Variants in PLCB1 observed in about 807,000 individuals in gnomAD.
PLCB1 encodes the protein 1-phosphatidylinositol 4,5-bisphosphate phosphodiesterase beta-1.
A neutral mutation model predicts 161.8 loss-of-function variants in PLCB1; 46 were observed. The ratio of observed to expected loss-of-function variants is 0.28; its 90% CI spans 0.22 to 0.36. The LOEUF (loss-of-function observed/expected upper bound fraction) is 0.36. Ranked by LOEUF, PLCB1 falls within the 10% of genes least tolerant of loss-of-function variation. PLCB1 has a pLI of 1.00. For missense variants in PLCB1, 1,016 were observed against 1,472.5 expected (o/e 0.69, Z 5.07); for synonymous variants, 517 against 503.7 (o/e 1.03, Z -0.35).
Position 8,783,304 on chromosome 20 carries a change from A to G in PLCB1, c.3112-5145A>G, listed in dbSNP as rs1465543283. 2.0e-5 allele frequency among the ~76,000 whole-genome samples: 3 copies of G among 152,232 alleles called. No homozygotes were observed. In the East Asian group the frequency reaches 5.8e-4, roughly 29 times the overall value. On this transcript the variant is annotated intron_variant, in intron 27 of 31. Coordinates refer to ENST00000338037, the MANE Select transcript of PLCB1 (RefSeq NM_015192.4). ...CTTCTCTACCTTTAATAGTCAGTTT[A>G]CTTTCAGAGTTTTGTGACTAATAAA...
At chr20:8,863,112 C>G (rs1335878881) in intron 31 of PLCB1, among the ~76,000 whole-genome samples, 1 of 152,156 alleles carries the variant, frequency 6.6e-6, no homozygotes, top group Non-Finnish European at 1.5e-5. Context: ...TTGCACCCTG[C>G]AAGAGAAAGC....
chr20:8,434,388 T>C (rs1017642278), intron 3 of PLCB1, among the ~76,000 whole-genome samples: 1 of 152,120 alleles, frequency 6.6e-6, no homozygotes, highest in Non-Finnish European at 1.5e-5. Context: ...CATAAAATAA[T>C]AATAATATAT....
intron 1 of PLCB1, among the ~76,000 whole-genome samples, chr20:8,142,429 C>A (rs149385596): frequency 5.6e-4 from 85 of 152,282 alleles, no homozygotes; most frequent in African/African-American, 1.9e-3. Context: ...TATTTATTGG[C>A]AATGCAGAGC....
Position 8,720,942 on chromosome 20 carries a change from T to C in PLCB1, c.1514-1412T>C, listed in dbSNP as rs550419060. Among the ~76,000 whole-genome samples the C allele has an allele frequency of 2.0e-5, 3 of 152,246 alleles. No individual in the cohort carries two copies. In the East Asian group the frequency reaches 5.8e-4, roughly 29 times the overall value. ...GCAATACCCTAAAAGAATGTGTCTC[T>C]AATATTGTAGTAAGATACGTTTTCT... is the stretch of plus-strand genomic sequence containing the variant. On this transcript the variant is annotated intron_variant, in intron 14 of 31. Coordinates refer to ENST00000338037, the MANE Select transcript of PLCB1 (RefSeq NM_015192.4).
intron 2 of PLCB1, among the ~76,000 whole-genome samples, chr20:8,248,960 T>C (rs2123218812): frequency 6.6e-6 from 1 of 152,078 alleles, no homozygotes; most frequent in Admixed American, 6.6e-5. Context: ...AGAGGTATGG[T>C]CTTTTCATTT....
intron 2 of PLCB1, among the ~76,000 whole-genome samples, chr20:8,338,779 G>T (rs1364279557): frequency 1.3e-5 from 2 of 152,112 alleles, no homozygotes; most frequent in African/African-American, 2.4e-5. Context: ...ATTCTCTTGT[G>T]CCCTCTTCCA....
intron 10 of PLCB1, among the ~76,000 whole-genome samples, chr20:8,686,665 G>A (rs979893129): frequency 3.3e-5 from 5 of 151,862 alleles, no homozygotes; most frequent in South Asian, 2.1e-4. Context: ...TCATTCAATC[G>A]CGGCTGCCAT....
chr20:8,629,817 T>TTTTCTTTCTTTTCTTTCTTTTCTTTC (rs1555777956), intron 4 of PLCB1, among the ~76,000 whole-genome samples: 1 of 96,964 alleles, frequency 1.0e-5, no homozygotes, highest in African/African-American at 3.8e-5. Flanking sequence ...CTTTTCTTTC[T>TTTTCTTTCTTTTCTTTCTTTTCTTTC]TTTCTTTCTT....
chr20:8,836,033 T>C (rs1986268817), intron 31 of PLCB1, among the ~76,000 whole-genome samples: 1 of 151,416 alleles, frequency 6.6e-6, no homozygotes, highest in African/African-American at 2.4e-5. Flanking sequence ...TGGTCTTACC[T>C]ACCTGGCTGG....
intron 3 of PLCB1, among the ~76,000 whole-genome samples, chr20:8,426,394 T>C (rs1295536281): frequency 6.6e-6 from 1 of 152,224 alleles, no homozygotes; most frequent in Non-Finnish European, 1.5e-5. Context: ...TGGTTTTGCT[T>C]ATTGGTATGT....
intron 2 of PLCB1, among the ~76,000 whole-genome samples, chr20:8,204,064 A>T (rs1978391237): frequency 6.6e-6 from 1 of 152,124 alleles, no homozygotes; most frequent in Non-Finnish European, 1.5e-5. Flanking sequence ...AATACCTAAG[A>T]CAAAATAGAA....
intron 31 of PLCB1, among the ~76,000 whole-genome samples, chr20:8,834,674 G>A (rs6056193): frequency 0.28 from 42,455 of 151,808 alleles, 6,211 homozygotes; most frequent in Middle Eastern, 0.41. Context: ...AATTAGCTGG[G>A]TGTGGTGGTG....
At chr20:8,239,536 T>C (rs796417485) in intron 2 of PLCB1, among the ~76,000 whole-genome samples, 12 of 151,978 alleles carry the variant, frequency 7.9e-5, no homozygotes, top group African/African-American at 2.9e-4. Context: ...GTAAATTGCA[T>C]GTAGTTTTAC....
At chr20:8,234,149 G>A (rs530810812) in intron 2 of PLCB1, among the ~76,000 whole-genome samples, 3 of 152,090 alleles carry the variant, frequency 2.0e-5, no homozygotes, top group East Asian at 1.9e-4. Context: ...GGAAAGAGAC[G>A]TATGCAATCA....
chr20:8,301,055 T>G (rs1352989412), intron 2 of PLCB1, among the ~76,000 whole-genome samples: 2 of 152,182 alleles, frequency 1.3e-5, no homozygotes, highest in African/African-American at 4.8e-5. Flanking sequence ...TCTACAATGC[T>G]GCATTACGGA....
chr20:8,135,505 C>A (rs1326935225), intron 1 of PLCB1, among the ~76,000 whole-genome samples: 3 of 152,128 alleles, frequency 2.0e-5, no homozygotes, highest in African/African-American at 7.2e-5. Flanking sequence ...AGGCACTAAA[C>A]AATCACAACA....
At position 8,740,392 on chromosome 20, in the gene PLCB1, T is replaced by A. The variant is rs1980814525; in HGVS notation, c.2357T>A (p.Leu786Gln). 6.2e-7 allele frequency: 1 copy of A among 1,608,400 alleles called. No individual in the cohort carries two copies. Among genetic ancestry groups the A allele is most frequent in the African/African-American group, 1.3e-5 (1 of 74,560 alleles). The change falls in exon 22 of 32, where the codon CTG becomes CAG. Residue 786 changes from leucine (L) to glutamine (Q), a missense_variant. Around this residue, in one of 10 missense-constraint regions of PLCB1, gnomAD observed 75 missense variants for 117.0 expected, o/e 0.64. Coordinates refer to ENST00000338037, the MANE Select transcript of PLCB1 (RefSeq NM_015192.4). The part of the protein sequence containing the change: ...LRNERNQPLT[L>Q]PAVFVYIEVK... ...AATGAAAGGAACCAGCCTCTGACGC[T>A]GCCTGCTGTCTTTGTCTACATAGAA... is the stretch of plus-strand genomic sequence containing the variant.
chr20:8,776,987 G>A (rs1294110676), intron 27 of PLCB1, among the ~76,000 whole-genome samples: 1 of 152,122 alleles, frequency 6.6e-6, no homozygotes, highest in Non-Finnish European at 1.5e-5. Flanking sequence ...AAGAGGTGAA[G>A]AACTGACAAC....
intron 3 of PLCB1, among the ~76,000 whole-genome samples, chr20:8,573,725 G>C (rs1175468418): frequency 6.6e-6 from 1 of 152,126 alleles, no homozygotes; most frequent in Non-Finnish European, 1.5e-5. Context: ...GCTCCCAAAG[G>C]CATAAAGAGC....
Sources: gnomAD v4.1 joint callset for allele counts (sites outside exome capture counted in the v4.1 genomes callset) on GRCh38, gnomAD v4.1.1 for gene constraint, gnomAD v4.1.1 regional missense constraint, MANE v1.5 for transcripts, NCBI Gene and HGNC (gene_info 2026-07-23, HGNC 2026-07-21) for gene names.